PDZD8: variants seen among roughly 807,000 people sequenced by gnomAD.
The protein encoded by PDZD8 is PDZ domain containing 8.
Under a neutral mutation model 85.8 loss-of-function variants are expected in PDZD8, and 14 were observed. That is an observed-to-expected ratio of 0.16 (90% CI 0.11 to 0.26). The LOEUF is 0.26. Ranked by LOEUF, PDZD8 falls within the 10% of genes least tolerant of loss-of-function variation. PDZD8 has a pLI of 1.00. For missense variants in PDZD8, 1,197 were observed against 1,424.3 expected, an observed-to-expected ratio of 0.84 and a Z score of 2.57; for synonymous variants, 592 against 568.6, an observed-to-expected ratio of 1.04 and a Z score of -0.59.
intron 3 of PDZD8, among the ~76,000 whole-genome samples, chr10:117,306,251 T>G (rs1453776106): frequency 1.3e-5 from 2 of 152,182 alleles, no homozygotes; most frequent in East Asian, 3.8e-4. Context: ...GTAAACTCTA[T>G]TATACAAATA....
At chr10:117,320,965 C>A (rs976695710) in intron 2 of PDZD8, among the ~76,000 whole-genome samples, 2 of 152,060 alleles carry the variant, frequency 1.3e-5, no homozygotes, top group African/African-American at 4.8e-5. Flanking sequence ...TTTATACCCA[C>A]TAGATTGGCT....
intron 3 of PDZD8, among the ~76,000 whole-genome samples, chr10:117,316,435 G>A (rs186433706): frequency 2.6e-5 from 4 of 152,272 alleles, no homozygotes. Context: ...CACTTTGGGA[G>A]GCTAAGGTGG....
At chr10:117,291,539 AAAG>A (rs1358725710) in intron 3 of PDZD8, among the ~76,000 whole-genome samples, 2 of 150,490 alleles carry the variant, frequency 1.3e-5, no homozygotes, top group Admixed American at 6.6e-5. Flanking sequence ...AGAAAAAAAA[AAAG>A]AGTTATCATG....
At chr10:117,296,839 T>C (rs1565021386) in intron 3 of PDZD8, among the ~76,000 whole-genome samples, 1 of 152,038 alleles carries the variant, frequency 6.6e-6, no homozygotes, top group African/African-American at 2.4e-5. Context: ...AATTTATAGA[T>C]GAAAATACAG....
intron 3 of PDZD8, among the ~76,000 whole-genome samples, chr10:117,311,165 A>G (rs533670832): frequency 6.6e-6 from 1 of 152,346 alleles, no homozygotes; most frequent in Admixed American, 6.5e-5. Flanking sequence ...TGATGTGTTT[A>G]GTAATGCCAG....
chr10:117,341,917 C>T (rs1158832923), intron 1 of PDZD8, among the ~76,000 whole-genome samples: 2 of 152,116 alleles, frequency 1.3e-5, no homozygotes, highest in African/African-American at 4.8e-5. Context: ...TTACTATTTG[C>T]CAGGCAGTAT....
intron 4 of PDZD8, among the ~76,000 whole-genome samples, chr10:117,287,939 A>C (rs538208094): frequency 6.6e-6 from 1 of 152,360 alleles, no homozygotes; most frequent in African/African-American, 2.4e-5. Context: ...ATGAAAAATT[A>C]GTCCATCTAA....
rs150477338 is a variant in PDZD8, at chr10:117,349,941, A to G, written c.873-8839T>C. Among the ~76,000 whole-genome samples, 50 of 152,350 alleles carry G rather than the reference A, an allele frequency of 3.3e-4. 1 individual carries two copies. Among genetic ancestry groups the G allele is most frequent in the African/African-American group, 1.2e-3 (50 of 41,586 alleles). On this transcript the variant is annotated intron_variant, in intron 1 of 4. Transcript: ENST00000334464. ...ACTTAGTGAAATCTTTTATCTTCTG[A>G]AGCCAATTAATAGTCACTGTCTAAA...
At chr10:117,291,422 G>A (rs983365402) in intron 3 of PDZD8, among the ~76,000 whole-genome samples, 23 of 151,556 alleles carry the variant, frequency 1.5e-4, no homozygotes, top group Admixed American at 5.9e-4. Flanking sequence ...CCAGCTACTC[G>A]GGAGCCTGAG....
chr10:117,324,630 A>G (rs762613375), intron 2 of PDZD8, among the ~76,000 whole-genome samples: 1 of 152,182 alleles, frequency 6.6e-6, no homozygotes, highest in Non-Finnish European at 1.5e-5. Context: ...AGATCATACC[A>G]TTGGCCTGGA....
chr10:117,322,871 T>C (rs1844249758), intron 2 of PDZD8, among the ~76,000 whole-genome samples: 2 of 152,158 alleles, frequency 1.3e-5, no homozygotes, highest in Non-Finnish European at 2.9e-5. Context: ...AAAATATCCA[T>C]GCAATGAAGT....
intron 1 of PDZD8, among the ~76,000 whole-genome samples, chr10:117,355,860 C>A (rs74159194): frequency 3.9e-5 from 6 of 152,100 alleles, no homozygotes; most frequent in African/African-American, 1.4e-4. Flanking sequence ...TTTAATTATA[C>A]TACAATACTT....
rs779874958 is a variant in PDZD8, at chr10:117,284,506, A to C, written c.2227T>G (p.Cys743Gly). Reference protein sequence around the residue: ...SLKLEDVALGCLATSNTEYLS... With the variant: ...SLKLEDVALGGLATSNTEYLS... ...TATTCCGTGTTTGATGTAGCTAGGCATCCTAAAGCCACATCTTCAAGTTTT... is the reference window on the plus strand; with the variant it reads ...TATTCCGTGTTTGATGTAGCTAGGCCTCCTAAAGCCACATCTTCAAGTTTT... Residue 743 changes from cysteine (C) to glycine (G), a missense_variant, in exon 5 of 5, where the codon TGC (cysteine) becomes GGC (glycine). Transcript: ENST00000334464. 1 of 1,614,150 alleles carries C rather than the reference A, an allele frequency of 6.2e-7. No homozygotes were observed. The highest frequency in any genetic ancestry group is 1.1e-5 in the South Asian group (1 of 91,074).
intron 1 of PDZD8, among the ~76,000 whole-genome samples, chr10:117,356,195 A>G (rs1358054872): frequency 6.6e-6 from 1 of 152,052 alleles, no homozygotes; most frequent in East Asian, 1.9e-4. Context: ...TACAGATTCT[A>G]TTTTTAGAGA....
In PDZD8 at chr10:117,374,376, G is replaced by C. The variant is rs1419725051; in HGVS notation, c.852C>G (p.Thr284=). 6.2e-7 allele frequency: 1 copy of C among 1,614,112 alleles called. No homozygotes were observed. The highest frequency in any genetic ancestry group is 2.2e-5 in the East Asian group (1 of 44,864). Residue 284 remains threonine, a synonymous_variant, in exon 1 of 5, where the codon ACC becomes ACG. Transcript: ENST00000334464. The surrounding 1 kb of genome is among the most constrained non-coding windows in gnomAD (Gnocchi z 7.8). ...QLKKIIKRKH[T]LPNYKIRFKP... ...CTCACCTGATCTTGTAATTCGGTAGGGTGTGCTTGCGCTTGATGATCTTCT... is the reference window on the plus strand; with the variant it reads ...CTCACCTGATCTTGTAATTCGGTAGCGTGTGCTTGCGCTTGATGATCTTCT...
intron 1 of PDZD8, among the ~76,000 whole-genome samples, chr10:117,368,937 C>A (rs533196422): frequency 7.0e-6 from 1 of 143,000 alleles, no homozygotes; most frequent in South Asian, 2.3e-4. Context: ...CTCACTGCAA[C>A]CTCCGCCTCC....
At chr10:117,364,223 T>C (rs1048246575) in intron 1 of PDZD8, among the ~76,000 whole-genome samples, 1 of 151,970 alleles carries the variant, frequency 6.6e-6, no homozygotes, top group Non-Finnish European at 1.5e-5. Flanking sequence ...TGTGTGTGTG[T>C]CTGTGTGTCT....
intron 3 of PDZD8, among the ~76,000 whole-genome samples, chr10:117,318,522 C>G (rs1844169044): frequency 6.6e-6 from 1 of 152,080 alleles, no homozygotes; most frequent in Non-Finnish European, 1.5e-5. Flanking sequence ...AGTAAGTGCT[C>G]ATAAAATATC....
In PDZD8 at chr10:117,341,038, T is replaced by C. The variant is rs369466688; in HGVS notation, c.937A>G (p.Ile313Val). 2.5e-5 allele frequency: 41 copies of C among 1,613,810 alleles called. No homozygotes were observed. Among genetic ancestry groups the C allele is most frequent in the Non-Finnish European group, 3.4e-5 (40 of 1,179,816 alleles). ...CCTTCAGTAAGTGCCCATTGTTGTA[T>C]ATGGATATGCTCTTCATCTTCTTCA... ...GFEEDEEHIHIQQWALTEGRL... is the reference protein window; with the variant it reads ...GFEEDEEHIHVQQWALTEGRL... Residue 313 changes from isoleucine (I) to valine (V), a missense_variant, in exon 2 of 5, where the codon ATA becomes GTA. This residue lies in a region of PDZD8 where 344 missense variants were observed against 453.6 expected (regional missense o/e 0.76). Coordinates refer to ENST00000334464, the MANE Select transcript of PDZD8 (RefSeq NM_173791.5).
Sources: gnomAD v4.1 joint callset for allele counts (sites outside exome capture counted in the v4.1 genomes callset) on GRCh38, gnomAD v4.1.1 for gene constraint, gnomAD v4.1.1 regional missense constraint, Gnocchi (gnomAD v3.1) non-coding constraint, MANE v1.5 for transcripts, NCBI Gene and HGNC (gene_info 2026-07-23, HGNC 2026-07-21) for gene names.